Variants in LRFN5 observed in about 807,000 individuals in gnomAD.
The protein encoded by LRFN5 is leucine rich repeat and fibronectin type III domain containing 5.
A neutral mutation model predicts 45.6 loss-of-function variants in LRFN5; 24 were observed. The ratio of observed to expected loss-of-function variants is 0.53; its 90% confidence interval spans 0.38 to 0.74. The LOEUF (loss-of-function observed/expected upper bound fraction) is 0.74. Ranked by LOEUF, LRFN5 falls within the 30% of genes least tolerant of loss-of-function variation. LRFN5 has a pLI of 0.00. For missense variants in LRFN5, 776 were observed against 861.5 expected (o/e 0.90, Z 1.24); for synonymous variants, 340 against 313.8 (o/e 1.08, Z -0.88).
intron 1 of LRFN5, among the ~76,000 whole-genome samples, chr14:41,671,594 T>C (rs1786715797): frequency 6.7e-6 from 1 of 150,050 alleles, no homozygotes; most frequent in Non-Finnish European, 1.5e-5. Context: ...TGTGTGGATG[T>C]GGAGGAGAGA....
intron 1 of LRFN5, among the ~76,000 whole-genome samples, chr14:41,721,210 T>C (rs1443311467): frequency 6.6e-6 from 1 of 152,272 alleles, no homozygotes; most frequent in Admixed American, 6.5e-5. Context: ...TCCTTTTTTT[T>C]CCATTTGAGT....
intron 2 of LRFN5, among the ~76,000 whole-genome samples, chr14:41,783,268 C>G (rs1886599057): frequency 6.6e-6 from 1 of 152,106 alleles, no homozygotes; most frequent in East Asian, 1.9e-4. Context: ...CACTCTCACT[C>G]TCAGCCTTCA....
At chr14:41,882,339 T>A (rs140299948) in intron 2 of LRFN5, among the ~76,000 whole-genome samples, 2 of 152,210 alleles carry the variant, frequency 1.3e-5, no homozygotes, top group African/African-American at 4.8e-5. Flanking sequence ...CCCTACGCAT[T>A]TTGTGGTTAA....
At chr14:41,746,116 C>T (rs1214432513) in intron 1 of LRFN5, among the ~76,000 whole-genome samples, 4 of 151,914 alleles carry the variant, frequency 2.6e-5, no homozygotes, top group Non-Finnish European at 5.9e-5. Flanking sequence ...AAATACTAGC[C>T]AACTGAATTC....
intron 1 of LRFN5, among the ~76,000 whole-genome samples, chr14:41,619,189 T>C (rs558612916): frequency 6.6e-6 from 1 of 152,266 alleles, no homozygotes; most frequent in African/African-American, 2.4e-5. Flanking sequence ...TGATTCATAT[T>C]TACTACTCAT....
intron 1 of LRFN5, among the ~76,000 whole-genome samples, chr14:41,720,962 C>A (rs1883689596): frequency 6.6e-6 from 1 of 152,058 alleles, no homozygotes; most frequent in Non-Finnish European, 1.5e-5. Context: ...AATGGTCTAT[C>A]TAATGTTGTC....
rs78919625 is a variant in LRFN5 at position 41,701,906 on chromosome 14, T to C, written c.-196-64948T>C. 5.3e-5 allele frequency among the ~76,000 whole-genome samples: 8 copies of C among 152,256 alleles called. No homozygotes were observed. The East Asian group carries it at 1.4e-3, about 26-fold the overall frequency. On this transcript the variant is annotated intron_variant, in intron 1 of 5. Transcript: ENST00000298119. ...AAAGCGGAACCTCAAGCCCAACCCCTGATTTACTATTAGGAATCTGCATTT... is the reference window on the plus strand; with the variant it reads ...AAAGCGGAACCTCAAGCCCAACCCCCGATTTACTATTAGGAATCTGCATTT...
intron 2 of LRFN5, among the ~76,000 whole-genome samples, chr14:41,788,905 A>G (rs1028986102): frequency 6.6e-6 from 1 of 152,012 alleles, no homozygotes; most frequent in African/African-American, 2.4e-5. Flanking sequence ...TCTTGTGTGA[A>G]AGTGGAATTA....
intron 2 of LRFN5, among the ~76,000 whole-genome samples, chr14:41,871,040 GATAA>G (rs375060002): frequency 1.1e-3 from 163 of 151,590 alleles, no homozygotes; most frequent in African/African-American, 3.3e-3. Context: ...AATCATATCT[GATAA>G]ATATTTAGGC....
chr14:41,721,633 A>G (rs1883717439), intron 1 of LRFN5, among the ~76,000 whole-genome samples: 1 of 152,142 alleles, frequency 6.6e-6, no homozygotes, highest in Non-Finnish European at 1.5e-5. Context: ...TGAAGCTTAA[A>G]TGGTGGTATA....
chr14:41,778,629 A>G (rs1886376212), intron 2 of LRFN5, among the ~76,000 whole-genome samples: 1 of 151,818 alleles, frequency 6.6e-6, no homozygotes, highest in African/African-American at 2.4e-5. Flanking sequence ...TTAATTAATA[A>G]CTACAATGTG....
In LRFN5 at chr14:41,887,998, C is replaced by A; in HGVS notation, c.1373C>A (p.Thr458Asn). ...QIQYNGTYDDTLVYRMIPPTS... is the reference protein window; with the variant it reads ...QIQYNGTYDDNLVYRMIPPTS... ...CAGTACAATGGTACTTATGATGACA[C>A]CCTTGTTTACAGGTAAGAAAAATTG... The change falls in exon 3 of 6, where the codon ACC becomes AAC. Residue 458 changes from threonine (T) to asparagine (N), a missense_variant. Coordinates refer to ENST00000298119, the MANE Select transcript of LRFN5 (RefSeq NM_152447.5). This position sits in a 1 kb window ranked among gnomAD's most constrained non-coding sequence, Gnocchi z 4.8. The A allele has an allele frequency of 6.3e-7, 1 of 1,592,568 alleles. No individual in the cohort carries two copies.
At chr14:41,815,651 T>C (rs1887891652) in intron 2 of LRFN5, among the ~76,000 whole-genome samples, 2 of 151,906 alleles carry the variant, frequency 1.3e-5, no homozygotes, top group South Asian at 4.2e-4. Context: ...GGTGGGAGGA[T>C]CCCTTGAATG....
intron 1 of LRFN5, among the ~76,000 whole-genome samples, chr14:41,657,117 A>G (rs994895471): frequency 1.3e-5 from 2 of 151,936 alleles, no homozygotes; most frequent in Non-Finnish European, 2.9e-5. Context: ...TTTGTTTTCC[A>G]GCCTCTCATC....
chr14:41,625,303 C>T (rs912108750), intron 1 of LRFN5, among the ~76,000 whole-genome samples: 3 of 152,042 alleles, frequency 2.0e-5, no homozygotes, highest in Non-Finnish European at 2.9e-5. Context: ...GCCATTTCCC[C>T]TATGCTGTTC....
intron 1 of LRFN5, among the ~76,000 whole-genome samples, chr14:41,764,618 G>A (rs1424482966): frequency 1.3e-5 from 2 of 151,916 alleles, no homozygotes; most frequent in Non-Finnish European, 1.5e-5. Context: ...TTTATATTTT[G>A]CTACCATAAT....
intron 1 of LRFN5, among the ~76,000 whole-genome samples, chr14:41,711,086 T>G (rs1019770353): frequency 2.6e-5 from 4 of 152,142 alleles, no homozygotes. Context: ...GTATTTAAAT[T>G]ATATCCATGA....
intron 1 of LRFN5, among the ~76,000 whole-genome samples, chr14:41,633,986 G>C (rs936858775): frequency 6.6e-6 from 1 of 152,032 alleles, no homozygotes; most frequent in African/African-American, 2.4e-5. Flanking sequence ...ATCTTCTGCA[G>C]CGTTTCAAAA....
chr14:41,741,553 G>A (rs1010554461), intron 1 of LRFN5, among the ~76,000 whole-genome samples: 1 of 151,566 alleles, frequency 6.6e-6, no homozygotes, highest in Non-Finnish European at 1.5e-5. Context: ...ATTCAAAACG[G>A]ACAAAAGACC....
Sources: gnomAD v4.1 joint callset for allele counts (sites outside exome capture counted in the v4.1 genomes callset) on GRCh38, gnomAD v4.1.1 for gene constraint, Gnocchi (gnomAD v3.1) non-coding constraint, MANE v1.5 for transcripts, NCBI Gene and HGNC (gene_info 2026-07-23, HGNC 2026-07-21) for gene names.